NEMP1: variants seen among roughly 807,000 people sequenced by gnomAD.
NEMP1 encodes nuclear envelope integral membrane protein 1, also known as transmembrane protein 194.
NEMP1 carries 29 observed loss-of-function variants against 53.7 expected under a neutral mutation model. The observed-to-expected ratio is 0.54, with a 90% CI of 0.40 to 0.74. The LOEUF (loss-of-function observed/expected upper bound fraction) is 0.74, where lower values mean the gene tolerates loss of function less well. Among genes scored for constraint, NEMP1 ranks in the 30% least tolerant of loss-of-function variants. The probability of loss-of-function intolerance (pLI) is 0.00; values close to 1 mark genes in which losing one functional copy is unlikely to be tolerated. For synonymous variants in NEMP1, 193 were observed against 192.9 expected (o/e 1.00, Z 0.00); for missense variants, 477 against 528.6 (o/e 0.90, Z 0.96).
intron 3 of NEMP1, 147 bp from the exon 4 acceptor site, chr12:57,069,453 G>A (rs2032246701): frequency 1.7e-6 from 1 of 578,444 alleles, no homozygotes; most frequent in Non-Finnish European, 3.0e-6. Context: ...TTCACCTAAA[G>A]CCTGGGCACC....
chr12:57,086,605 T>C (rs2033002256), intron 1 of NEMP1, among the ~76,000 whole-genome samples: 3 of 152,240 alleles, frequency 2.0e-5, no homozygotes, highest in Admixed American at 2.0e-4. Flanking sequence ...TCTTTGCCTC[T>C]TTCCCTTTGC....
At chr12:57,073,278 T>C (rs1006352435) in intron 1 of NEMP1, among the ~76,000 whole-genome samples, 3 of 151,924 alleles carry the variant, frequency 2.0e-5, no homozygotes, top group Non-Finnish European at 4.4e-5. Flanking sequence ...TGCCTCAGCC[T>C]GTAGCTGGGA....
intron 4 of NEMP1, among the ~76,000 whole-genome samples, chr12:57,066,622 C>A (rs997997361): frequency 6.6e-6 from 1 of 152,156 alleles, no homozygotes; most frequent in African/African-American, 2.4e-5. Context: ...AGAAGGGAGA[C>A]GGGAATAACC....
chr12:57,078,979 T>G (rs112253371), upstream of NEMP1, among the ~76,000 whole-genome samples: 1,291 of 152,330 alleles, frequency 8.5e-3, 22 homozygotes, highest in African/African-American at 0.029. Flanking sequence ...ACCCTAGCAG[T>G]GGCGACAGGA....
At chr12:57,061,095 T>C (rs781676822) in intron 7 of NEMP1, 150 bp from the exon 8 acceptor site, 2 of 719,966 alleles carry the variant, frequency 2.8e-6, no homozygotes, top group Non-Finnish European at 4.4e-6. Context: ...TCTTTAGTTA[T>C]AATGAACTCC....
Position 57,056,427 on chromosome 12 carries a change from T to C in NEMP1, c.*3452A>G, listed in dbSNP as rs2031528208. 1 of 152,248 alleles carries C rather than the reference T, an allele frequency of 6.6e-6. No individual in the cohort carries two copies. The highest frequency in any genetic ancestry group is 2.4e-5 in the African/African-American group (1 of 41,466). The allele number at this position is 152,248 out of a possible 1,614,324, so 9.4% of individuals were successfully genotyped here. A position where few individuals can be genotyped will look rare whatever the true frequency, so the allele number is the denominator to read the frequency against. On this transcript the variant is annotated 3_prime_UTR_variant, in exon 9 of 9. Transcript: ENST00000300128. ...AATGGATATTTCATATGTTTATTAA[T>C]TGGTTTCAGTTAATATGTAATATGA...
intron 1 of NEMP1, among the ~76,000 whole-genome samples, chr12:57,077,449 G>C (rs2032688701): frequency 6.6e-6 from 1 of 151,996 alleles, no homozygotes; most frequent in Non-Finnish European, 1.5e-5. Flanking sequence ...AGTGAGCTGA[G>C]ATTGCACCAC....
upstream of NEMP1, chr12:57,078,907 C>T: frequency 1.4e-6 from 1 of 724,176 alleles, no homozygotes; most frequent in Non-Finnish European, 2.2e-6. Flanking sequence ...AGTCCCGCCC[C>T]TTAGCAACTG....
chr12:57,061,700 A>AC (rs981788596), intron 7 of NEMP1, among the ~76,000 whole-genome samples: 4 of 147,946 alleles, frequency 2.7e-5, no homozygotes, highest in African/African-American at 1.0e-4. Context: ...TCTCAAAAAA[A>AC]AAAAAAAACA....
chr12:57,062,597 T>C (rs1016623923), intron 7 of NEMP1, among the ~76,000 whole-genome samples: 2 of 152,002 alleles, frequency 1.3e-5, no homozygotes, highest in Admixed American at 6.6e-5. Flanking sequence ...TCCAAGCACT[T>C]TGGGAGCTCC....
At chr12:57,067,615 A>G (rs1276678275) in intron 4 of NEMP1, among the ~76,000 whole-genome samples, 1 of 152,222 alleles carries the variant, frequency 6.6e-6, no homozygotes, top group Non-Finnish European at 1.5e-5. Flanking sequence ...GAAGTACAAT[A>G]AAGTGATGTG....
rs532536301 is a variant in NEMP1 at position 57,078,138 on chromosome 12, A to G, written c.127+481T>C. 5.9e-5 allele frequency among the ~76,000 whole-genome samples: 9 copies of G among 152,288 alleles called. No homozygotes were observed. In the South Asian group the frequency reaches 1.9e-3, roughly 32 times the overall value. ...ACAAGAGCAGAAGATAGTAGAGATC[A>G]CTGCATTTCTGTCAACTACATCCGT... On this transcript the variant is annotated intron_variant, in intron 1 of 8. Coordinates refer to ENST00000300128, the MANE Select transcript of NEMP1 (RefSeq NM_001130963.2).
chr12:57,087,766 A>G (rs2033056915), intron 1 of NEMP1, among the ~76,000 whole-genome samples: 2 of 151,862 alleles, frequency 1.3e-5, no homozygotes, highest in South Asian at 4.2e-4. Context: ...AGAAGTGCGG[A>G]CAGAGAGGCG....
intron 4 of NEMP1, among the ~76,000 whole-genome samples, chr12:57,068,564 A>G (rs2032203556): frequency 2.0e-5 from 3 of 151,736 alleles, no homozygotes; most frequent in Admixed American, 6.6e-5. Flanking sequence ...CTGAGCTGTG[A>G]TATTTGTTTC....
chr12:57,074,749 T>C (rs1353540083), intron 1 of NEMP1, among the ~76,000 whole-genome samples: 1 of 152,208 alleles, frequency 6.6e-6, no homozygotes, highest in African/African-American at 2.4e-5. Context: ...CAGAAGATTC[T>C]CCTCTCAATT....
chr12:57,084,925 A>G (rs66741626), intron 1 of NEMP1, among the ~76,000 whole-genome samples: 20,422 of 152,130 alleles, frequency 0.13, 1,356 homozygotes, highest in East Asian at 0.19. Flanking sequence ...GTAGTGGACA[A>G]TAATAGATTG....
chr12:57,069,877 C>A (rs187335830), intron 3 of NEMP1, among the ~76,000 whole-genome samples: 2 of 150,242 alleles, frequency 1.3e-5, no homozygotes, highest in Admixed American at 1.3e-4. Flanking sequence ...CTTTCACATT[C>A]AAGAGTTCTA....
intron 1 of NEMP1, among the ~76,000 whole-genome samples, chr12:57,084,719 G>A (rs1342290827): frequency 1.3e-5 from 2 of 152,076 alleles, no homozygotes; most frequent in Non-Finnish European, 2.9e-5. Flanking sequence ...AAACTCAGAG[G>A]CAAAGACACA....
intron 1 of NEMP1, among the ~76,000 whole-genome samples, chr12:57,073,734 T>C (rs1380113722): frequency 6.6e-6 from 1 of 152,244 alleles, no homozygotes; most frequent in African/African-American, 2.4e-5. Context: ...AGCACTCTCA[T>C]AATCCCTATT....
Sources: allele counts gnomAD v4.1 joint callset (sites outside exome capture counted in the v4.1 genomes callset), GRCh38; gene constraint gnomAD v4.1.1; transcripts MANE v1.5; gene names NCBI Gene and HGNC (gene_info 2026-07-23, HGNC 2026-07-21).